The following SH3BGRL2 variants were observed in gnomAD, a reference collection of about 807,000 sequenced individuals.
SH3BGRL2 encodes SH3 domain binding glutamate rich protein like 2, also known as SH3 domain-binding glutamic acid-rich-like protein 2.
Under a neutral mutation model 14.8 loss-of-function variants are expected in SH3BGRL2, and 21 were observed. The ratio of observed to expected loss-of-function variants is 1.42; its 90% CI spans 1.01 to 2.05. The LOEUF (loss-of-function observed/expected upper bound fraction) is 2.05, where lower values mean the gene tolerates loss of function less well. SH3BGRL2 is among the 30% of genes most tolerant of loss of function. The pLI, the probability that SH3BGRL2 is intolerant of heterozygous loss-of-function variation, is 0.00. For missense variants in SH3BGRL2, 147 were observed against 130.8 expected, an observed-to-expected ratio of 1.12 and a Z score of -0.61; for synonymous variants, 50 against 47.8, an observed-to-expected ratio of 1.05 and a Z score of -0.19.
At chr6:79,540,563 A>G in the SH3BGRL2 span, among the ~76,000 whole-genome samples, 2 of 152,210 alleles carry the variant, frequency 1.3e-5, no homozygotes, top group East Asian at 1.9e-4. Context: ...CAGTACAAAA[A>G]GCTAGTAGCC....
the SH3BGRL2 span, among the ~76,000 whole-genome samples, chr6:79,590,580 T>C: frequency 2.0e-5 from 3 of 151,232 alleles, no homozygotes; most frequent in African/African-American, 7.3e-5. Flanking sequence ...GAAAACCAAA[T>C]ACTGCATGTT....
the SH3BGRL2 span, among the ~76,000 whole-genome samples, chr6:79,607,805 C>T: frequency 1.5e-3 from 225 of 152,110 alleles, no homozygotes; most frequent in African/African-American, 5.1e-3. Flanking sequence ...ATTAGTCGGG[C>T]GTGGTGGCAG....
At chr6:79,582,128 A>G in the SH3BGRL2 span, among the ~76,000 whole-genome samples, 2 of 152,182 alleles carry the variant, frequency 1.3e-5, no homozygotes, top group Non-Finnish European at 2.9e-5. Context: ...GCTCCATGAA[A>G]TAAAAGAGGA....
chr6:79,652,872 T>C (rs764644228), intron 1 of SH3BGRL2, among the ~76,000 whole-genome samples: 1 of 152,212 alleles, frequency 6.6e-6, no homozygotes. Context: ...ACTTATGGTA[T>C]AATAAGTGCT....
the SH3BGRL2 span, among the ~76,000 whole-genome samples, chr6:79,563,730 T>C: frequency 6.6e-6 from 1 of 151,994 alleles, no homozygotes; most frequent in African/African-American, 2.4e-5. Flanking sequence ...CATGAGTGAG[T>C]CTAGGTGAGA....
intron 1 of SH3BGRL2, among the ~76,000 whole-genome samples, chr6:79,654,261 G>A (rs897512111): frequency 3.9e-5 from 6 of 152,110 alleles, no homozygotes; most frequent in African/African-American, 1.2e-4. Flanking sequence ...GAAGTTTTGA[G>A]AAGGAAAGGT....
At chr6:79,676,758 T>C (rs1769893889) in intron 2 of SH3BGRL2, among the ~76,000 whole-genome samples, 1 of 152,104 alleles carries the variant, frequency 6.6e-6, no homozygotes, top group Admixed American at 6.6e-5. Flanking sequence ...GCTGTTTGAA[T>C]AGAGGAATAT....
Position 79,699,676 on chromosome 6 carries a change from AT to A in SH3BGRL2, c.*168del, listed in dbSNP as rs758294339. The A allele has an allele frequency of 2.9e-5, 28 of 976,478 alleles. No individual in the cohort carries two copies. The highest frequency in any genetic ancestry group is 3.7e-5 in the Non-Finnish European group (26 of 710,964). The allele number at this position is 976,478 out of a possible 1,614,324, so 60.5% of individuals were successfully genotyped here. A position where few individuals can be genotyped will look rare whatever the true frequency, so the allele number is the denominator to read the frequency against. ...AAGATGTGGCTATAATGAGAATTGC[AT>A]GATTGCTTTAAACCAAATCAGGTGG... On this transcript the variant is annotated 3_prime_UTR_variant, in exon 4 of 4. Transcript: ENST00000369838.
the SH3BGRL2 span, chr6:79,575,390 T>C: frequency 6.6e-6 from 1 of 152,178 alleles, no homozygotes; most frequent in Non-Finnish European, 1.5e-5. Context: ...TTTATTAATA[T>C]CTTTTGTAAT....
At chr6:79,594,123 A>G in the SH3BGRL2 span, among the ~76,000 whole-genome samples, 2 of 152,090 alleles carry the variant, frequency 1.3e-5, no homozygotes, top group Non-Finnish European at 2.9e-5. Flanking sequence ...AAGCTTGACT[A>G]TATTAACAGA....
chr6:79,679,130 A>G (rs1015503024), intron 2 of SH3BGRL2, among the ~76,000 whole-genome samples: 1 of 152,194 alleles, frequency 6.6e-6, no homozygotes, highest in Admixed American at 6.5e-5. Flanking sequence ...TTTTGGGTAT[A>G]TACACAGTAA....
chr6:79,618,956 G>C, the SH3BGRL2 span, among the ~76,000 whole-genome samples: 188 of 135,160 alleles, frequency 1.4e-3, no homozygotes, highest in Middle Eastern at 8.5e-3. Context: ...GTGTTGCAAA[G>C]TTACTCGAAA....
At chr6:79,608,987 C>T in the SH3BGRL2 span, among the ~76,000 whole-genome samples, 4 of 152,290 alleles carry the variant, frequency 2.6e-5, no homozygotes, top group East Asian at 7.7e-4. Flanking sequence ...TGCAAAATTG[C>T]TGGGGAGGCT....
the SH3BGRL2 span, among the ~76,000 whole-genome samples, chr6:79,618,838 G>T: frequency 1.4e-5 from 2 of 146,222 alleles, no homozygotes; most frequent in East Asian, 4.3e-4. Flanking sequence ...AGAAATGCTT[G>T]GACCTGGAAG....
At chr6:79,580,911 A>G in the SH3BGRL2 span, among the ~76,000 whole-genome samples, 4 of 152,196 alleles carry the variant, frequency 2.6e-5, no homozygotes, top group African/African-American at 7.2e-5. Context: ...TAAACAAGAA[A>G]AGAGAGAAGA....
chr6:79,632,325 G>A (rs939339959), intron 1 of SH3BGRL2, among the ~76,000 whole-genome samples: 16 of 152,216 alleles, frequency 1.1e-4, no homozygotes, highest in African/African-American at 3.9e-4. Flanking sequence ...GGAAAATTCA[G>A]TAGTTAGTAT....
the SH3BGRL2 span, among the ~76,000 whole-genome samples, chr6:79,551,895 G>T: frequency 6.6e-6 from 1 of 152,164 alleles, no homozygotes; most frequent in Non-Finnish European, 1.5e-5. Context: ...TTTGAGACCA[G>T]CCTGGCCAAC....
chr6:79,587,427 A>G, the SH3BGRL2 span, among the ~76,000 whole-genome samples: 9 of 152,298 alleles, frequency 5.9e-5, no homozygotes, highest in African/African-American at 2.2e-4. Flanking sequence ...TCCAGAGACT[A>G]AAAAGCCTAA....
At chr6:79,626,233 C>T in the SH3BGRL2 span, among the ~76,000 whole-genome samples, 1 of 152,116 alleles carries the variant, frequency 6.6e-6, no homozygotes, top group Non-Finnish European at 1.5e-5. Flanking sequence ...GCCTGGGCAA[C>T]ATAGCAACAC....
Sources: gnomAD v4.1 joint callset for allele counts (sites outside exome capture counted in the v4.1 genomes callset) on GRCh38, gnomAD v4.1.1 for gene constraint, MANE v1.5 for transcripts, NCBI Gene and HGNC (gene_info 2026-07-23, HGNC 2026-07-21) for gene names.